The following PRIM2 variants were observed in gnomAD, a reference collection of about 807,000 sequenced individuals.
The protein encoded by PRIM2 is DNA primase large subunit.
A neutral mutation model predicts 67.3 loss-of-function variants in PRIM2; 39 were observed. The observed-to-expected ratio is 0.58, with a 90% confidence interval of 0.45 to 0.76. The LOEUF is 0.76. Among genes scored for constraint, PRIM2 ranks in the 30% least tolerant of loss-of-function variants. The pLI is 0.00. For missense variants in PRIM2, 398 were observed against 598.7 expected (o/e 0.66, Z 3.50); for synonymous variants, 143 against 198.7 (o/e 0.72, Z 2.36).
the PRIM2 span, among the ~76,000 whole-genome samples, chr6:57,298,475 G>C: frequency 6.6e-6 from 1 of 152,152 alleles, no homozygotes; most frequent in African/African-American, 2.4e-5. Flanking sequence ...AAAGAGATGA[G>C]GAGTGGAAGC....
At chr6:57,235,184 C>T in the PRIM2 span, among the ~76,000 whole-genome samples, 1 of 151,864 alleles carries the variant, frequency 6.6e-6, no homozygotes, top group Non-Finnish European at 1.5e-5. Flanking sequence ...AGTGAAATAC[C>T]AGGCACGGTG....
intron 8 of PRIM2, among the ~76,000 whole-genome samples, chr6:57,518,067 C>A (rs1345544209): frequency 1.3e-5 from 2 of 152,148 alleles, no homozygotes; most frequent in South Asian, 4.1e-4. Flanking sequence ...TGAGGAAAGG[C>A]AGACTACCAA....
chr6:57,345,882 T>G (rs1233531067), intron 5 of PRIM2, among the ~76,000 whole-genome samples: 1 of 152,208 alleles, frequency 6.6e-6, no homozygotes, highest in African/African-American at 2.4e-5. Flanking sequence ...AACTCTGGGT[T>G]TCTCCCCTTT....
At chr6:57,349,904 A>G (rs1768806451) in intron 5 of PRIM2, among the ~76,000 whole-genome samples, 1 of 152,224 alleles carries the variant, frequency 6.6e-6, no homozygotes, top group African/African-American at 2.4e-5. Flanking sequence ...AAAAACAAAA[A>G]AAATCTTCTT....
intron 12 of PRIM2, among the ~76,000 whole-genome samples, chr6:57,623,292 C>A (rs1325359889): frequency 6.6e-6 from 1 of 152,118 alleles, no homozygotes; most frequent in Non-Finnish European, 1.5e-5. Flanking sequence ...TGTGTATATC[C>A]TTCCTTTCTT....
the PRIM2 span, among the ~76,000 whole-genome samples, chr6:57,299,335 A>C: frequency 3.3e-5 from 5 of 152,200 alleles, no homozygotes; most frequent in Admixed American, 3.3e-4. Context: ...GAATAAAAGA[A>C]AGGACATTTT....
chr6:57,540,345 C>T (rs1401757678), intron 10 of PRIM2, among the ~76,000 whole-genome samples: 37 of 152,072 alleles, frequency 2.4e-4, no homozygotes, highest in Non-Finnish European at 3.5e-4. Context: ...TCTCAAGATC[C>T]GCAGTTGGCA....
intron 7 of PRIM2, among the ~76,000 whole-genome samples, chr6:57,454,532 C>A (rs1772686484): frequency 6.6e-6 from 1 of 152,066 alleles, no homozygotes; most frequent in African/African-American, 2.4e-5. Flanking sequence ...TGTATGTGTC[C>A]AGGAATTTAT....
intron 7 of PRIM2, among the ~76,000 whole-genome samples, chr6:57,494,368 C>T (rs1554346218): frequency 0.089 from 13,536 of 152,128 alleles, 754 homozygotes; most frequent in Middle Eastern, 0.15. Flanking sequence ...ACTTTTAGAC[C>T]AGCATCTTTT....
At chr6:57,479,427 C>T (rs1341825158) in intron 7 of PRIM2, among the ~76,000 whole-genome samples, 4 of 152,084 alleles carry the variant, frequency 2.6e-5, no homozygotes, top group Non-Finnish European at 5.9e-5. Flanking sequence ...AGGTACACTG[C>T]TTTTATTCAT....
chr6:57,267,746 A>C, the PRIM2 span, among the ~76,000 whole-genome samples: 3 of 151,216 alleles, frequency 2.0e-5, no homozygotes, highest in South Asian at 4.2e-4. Context: ...CCATCTCTAC[A>C]AAAAAATTTT....
At chr6:57,533,726 A>G (rs1243615829) in intron 9 of PRIM2, among the ~76,000 whole-genome samples, 1 of 152,198 alleles carries the variant, frequency 6.6e-6, no homozygotes, top group Non-Finnish European at 1.5e-5. Flanking sequence ...TGTGAATTTC[A>G]TTGGATACTG....
chr6:57,324,467 A>G (rs116565677), intron 4 of PRIM2, among the ~76,000 whole-genome samples, 187 bp downstream of exon 4: 1,718 of 152,318 alleles, frequency 0.011, 16 homozygotes, highest in Non-Finnish European at 0.017. Context: ...ATATTGAAAA[A>G]AATTCTATCG....
intron 7 of PRIM2, among the ~76,000 whole-genome samples, chr6:57,407,890 T>G (rs1254922885): frequency 3.3e-5 from 5 of 152,188 alleles, no homozygotes; most frequent in Non-Finnish European, 1.5e-5. Context: ...TGTTCTCAAT[T>G]TAACCCTGTT....
At chr6:57,456,053 T>G (rs550233345) in intron 7 of PRIM2, among the ~76,000 whole-genome samples, 1 of 152,100 alleles carries the variant, frequency 6.6e-6, no homozygotes, top group African/African-American at 2.4e-5. Context: ...GAAGCTTAGT[T>G]TGGCTGGATA....
chr6:57,514,576 G>A (rs1250072816), intron 8 of PRIM2, among the ~76,000 whole-genome samples: 2 of 152,116 alleles, frequency 1.3e-5, no homozygotes, highest in Admixed American at 6.5e-5. Flanking sequence ...ACTGATTATA[G>A]TGAAGGTTTT....
intron 8 of PRIM2, among the ~76,000 whole-genome samples, chr6:57,507,870 G>A (rs1344920612): frequency 1.3e-5 from 2 of 152,144 alleles, no homozygotes; most frequent in Admixed American, 6.5e-5. Flanking sequence ...GAAAATACAG[G>A]AAAGGAAAAG....
chr6:57,245,524 T>C, the PRIM2 span, among the ~76,000 whole-genome samples: 1 of 152,320 alleles, frequency 6.6e-6, no homozygotes, highest in East Asian at 1.9e-4. Context: ...ATGTCCACCT[T>C]TCATCCACTT....
intron 5 of PRIM2, among the ~76,000 whole-genome samples, chr6:57,343,271 G>A (rs1396047580): frequency 1.3e-5 from 2 of 152,008 alleles, no homozygotes; most frequent in Admixed American, 1.3e-4. Context: ...GTCATAGTTC[G>A]TTTCGAATGT....
Sources: allele counts gnomAD v4.1 joint callset (sites outside exome capture counted in the v4.1 genomes callset), GRCh38; gene constraint gnomAD v4.1.1; transcripts MANE v1.5; gene names NCBI Gene and HGNC (gene_info 2026-07-23, HGNC 2026-07-21).